GRIK2: variants seen among roughly 807,000 people sequenced by gnomAD.
GRIK2 encodes the protein glutamate receptor ionotropic, kainate 2.
Under a neutral mutation model 100.3 loss-of-function variants are expected in GRIK2, and 32 were observed. The ratio of observed to expected loss-of-function variants is 0.32; its 90% CI spans 0.24 to 0.43. The LOEUF is 0.43. Among genes scored for constraint, GRIK2 ranks in the 20% least tolerant of loss-of-function variants. The pLI, the probability that GRIK2 is intolerant of heterozygous loss-of-function variation, is 1.00. For synonymous variants in GRIK2, 417 were observed against 389.4 expected (o/e 1.07, Z -0.83); for missense variants, 843 against 1,114.9 (o/e 0.76, Z 3.47).
intron 5 of GRIK2, among the ~76,000 whole-genome samples, chr6:101,677,730 C>T (rs1770943846): frequency 6.6e-6 from 1 of 152,036 alleles, no homozygotes; most frequent in Non-Finnish European, 1.5e-5. Flanking sequence ...TTAGAAACCT[C>T]TCATGTATAG....
intron 12 of GRIK2, among the ~76,000 whole-genome samples, chr6:101,909,396 T>TTTTA (rs1788497593): frequency 6.8e-6 from 1 of 146,776 alleles, no homozygotes; most frequent in African/African-American, 2.5e-5. Context: ...TTTTTTTTTT[T>TTTTA]AAAGATCATT....
intron 2 of GRIK2, among the ~76,000 whole-genome samples, chr6:101,532,723 T>C (rs1337717967): frequency 2.0e-5 from 3 of 151,500 alleles, no homozygotes; most frequent in Admixed American, 6.6e-5. Flanking sequence ...ATATATATAA[T>C]GGAATCTTAA....
chr6:101,750,694 G>T (rs17062449), intron 7 of GRIK2, among the ~76,000 whole-genome samples: 39,054 of 152,022 alleles, frequency 0.26, 8,953 homozygotes, highest in African/African-American at 0.62. Flanking sequence ...TCCTTGATTT[G>T]GGAAAGTTAG....
At chr6:101,544,984 G>A (rs903338987) in intron 2 of GRIK2, among the ~76,000 whole-genome samples, 1 of 152,112 alleles carries the variant, frequency 6.6e-6, no homozygotes, top group South Asian at 2.1e-4. Flanking sequence ...ACCGCCCTAG[G>A]ATGGATCGCC....
At chr6:101,870,899 A>G (rs1469144771) in intron 11 of GRIK2, among the ~76,000 whole-genome samples, 1 of 151,904 alleles carries the variant, frequency 6.6e-6, no homozygotes, top group Admixed American at 6.6e-5. Flanking sequence ...GGACGATGAG[A>G]TAATTTGAGA....
chr6:101,768,822 A>G (rs1419278030), intron 7 of GRIK2, among the ~76,000 whole-genome samples: 2 of 152,162 alleles, frequency 1.3e-5, no homozygotes, highest in Non-Finnish European at 2.9e-5. Flanking sequence ...TGTTTATATC[A>G]TGAGATTGTT....
intron 2 of GRIK2, among the ~76,000 whole-genome samples, chr6:101,466,406 C>T (rs1173476314): frequency 6.6e-6 from 1 of 151,666 alleles, no homozygotes; most frequent in Non-Finnish European, 1.5e-5. Flanking sequence ...AGGAACATTT[C>T]AATGAGCTGA....
chr6:101,604,840 T>C (rs1779372923), intron 2 of GRIK2, among the ~76,000 whole-genome samples: 1 of 151,972 alleles, frequency 6.6e-6, no homozygotes, highest in African/African-American at 2.4e-5. Context: ...TTGACTAGCT[T>C]CCCTTTTTAG....
intron 7 of GRIK2, among the ~76,000 whole-genome samples, chr6:101,790,236 A>G (rs1209655557): frequency 6.6e-6 from 1 of 151,684 alleles, no homozygotes; most frequent in East Asian, 1.9e-4. Flanking sequence ...AGACCTTCCA[A>G]CACTATATTG....
intron 4 of GRIK2, among the ~76,000 whole-genome samples, chr6:101,648,701 G>A (rs1343223579): frequency 1.3e-5 from 2 of 151,994 alleles, no homozygotes; most frequent in Non-Finnish European, 2.9e-5. Flanking sequence ...TTTATCATTT[G>A]AGATAACAAT....
chr6:101,959,053 G>A (rs1380308724), intron 14 of GRIK2, among the ~76,000 whole-genome samples: 1 of 151,846 alleles, frequency 6.6e-6, no homozygotes, highest in Non-Finnish European at 1.5e-5. Context: ...AATGAGTTAG[G>A]GAGGATTCTC....
intron 4 of GRIK2, among the ~76,000 whole-genome samples, chr6:101,645,993 A>G (rs1469115761): frequency 6.6e-6 from 1 of 151,866 alleles, no homozygotes; most frequent in Non-Finnish European, 1.5e-5. Context: ...TTTGGACAAC[A>G]TTTTATATTT....
intron 14 of GRIK2, among the ~76,000 whole-genome samples, chr6:101,940,277 A>G (rs948650814): frequency 1.3e-5 from 2 of 152,082 alleles, no homozygotes; most frequent in African/African-American, 2.4e-5. Flanking sequence ...AGTAGCATCA[A>G]GTCTTCCAGG....
intron 14 of GRIK2, among the ~76,000 whole-genome samples, chr6:102,001,169 G>T (rs1224565098): frequency 6.7e-6 from 1 of 149,756 alleles, no homozygotes; most frequent in East Asian, 2.0e-4. Context: ...CACTGTTCCA[G>T]GCATTCTTCT....
At chr6:101,606,975 G>A (rs1358763088) in intron 2 of GRIK2, among the ~76,000 whole-genome samples, 1 of 151,854 alleles carries the variant, frequency 6.6e-6, no homozygotes, top group Non-Finnish European at 1.5e-5. Context: ...AAAAACAAAT[G>A]GTGCTTTTAC....
At chr6:101,570,207 C>T (rs979832743) in intron 2 of GRIK2, among the ~76,000 whole-genome samples, 8 of 151,922 alleles carry the variant, frequency 5.3e-5, no homozygotes, top group African/African-American at 1.5e-4. Context: ...ATCATTTTAC[C>T]GCTACAAAAT....
chr6:102,002,438 C>CATATATGTATATATAATTATATACAT, intron 14 of GRIK2, among the ~76,000 whole-genome samples: 1 of 148,290 alleles, frequency 6.7e-6, no homozygotes, highest in Middle Eastern at 3.8e-3. Context: ...AGTATATACA[C>CATATATGTATATATAATTATATACAT]ATATATGTAT....
intron 2 of GRIK2, among the ~76,000 whole-genome samples, chr6:101,574,342 A>T (rs9485511): frequency 0.088 from 12,967 of 147,256 alleles, 1,514 homozygotes; most frequent in African/African-American, 0.27. Context: ...TGATAAATAA[A>T]AATATATAAT....
At chr6:101,876,394 T>C (rs746263702) in intron 11 of GRIK2, among the ~76,000 whole-genome samples, 2 of 151,820 alleles carry the variant, frequency 1.3e-5, no homozygotes, top group Non-Finnish European at 2.9e-5. Flanking sequence ...CTTTCTGGTA[T>C]TTCACAAGTT....
Sources: gnomAD v4.1 joint callset for allele counts (sites outside exome capture counted in the v4.1 genomes callset) on GRCh38, gnomAD v4.1.1 for gene constraint, MANE v1.5 for transcripts, NCBI Gene and HGNC (gene_info 2026-07-23, HGNC 2026-07-21) for gene names.